The following GRID2 variants were observed in gnomAD, a reference collection of about 807,000 sequenced individuals.
GRID2 encodes glutamate receptor ionotropic, delta-2.
GRID2 carries 33 observed loss-of-function variants against 114.8 expected under a neutral mutation model. The observed-to-expected ratio is 0.29, with a 90% CI of 0.22 to 0.38. GRID2 has a LOEUF of 0.38. GRID2 is among the 10% of genes least tolerant of loss of function. The pLI is 1.00. For synonymous variants in GRID2, 505 were observed against 449.9 expected, an observed-to-expected ratio of 1.12 and a Z score of -1.55; for missense variants, 1,184 against 1,257.7, an observed-to-expected ratio of 0.94 and a Z score of 0.89.
At position 92,636,463 on chromosome 4, in the gene GRID2, A is replaced by G. The variant is rs534159135; in HGVS notation, c.244+46177A>G. Among the ~76,000 whole-genome samples the G allele has an allele frequency of 2.0e-5, 3 of 152,042 alleles. No homozygotes were observed. The South Asian group carries it at 6.2e-4, about 31-fold the overall frequency. Reference sequence around the variant, plus strand: ...AAGAATCATGTTAATTCAAAAATAAAAAAGTTCCAATATTTTTGCTCACAA... The same window carrying G: ...AAGAATCATGTTAATTCAAAAATAAGAAAGTTCCAATATTTTTGCTCACAA... On this transcript the variant is annotated intron_variant, in intron 2 of 15. Coordinates refer to ENST00000282020, the MANE Select transcript of GRID2 (RefSeq NM_001510.4).
chr4:92,353,799 T>A (rs1341180309), intron 1 of GRID2, among the ~76,000 whole-genome samples: 2 of 152,036 alleles, frequency 1.3e-5, no homozygotes, highest in African/African-American at 2.4e-5. Flanking sequence ...TTTCTCAACA[T>A]GTGTCATGCC....
intron 1 of GRID2, among the ~76,000 whole-genome samples, chr4:92,499,814 C>T (rs1723582045): frequency 6.6e-6 from 1 of 152,154 alleles, no homozygotes; most frequent in Non-Finnish European, 1.5e-5. Context: ...AGGGTTTCAC[C>T]ATGTTGGCCA....
intron 2 of GRID2, among the ~76,000 whole-genome samples, chr4:93,021,157 T>G (rs1723244818): frequency 6.6e-6 from 1 of 152,038 alleles, no homozygotes; most frequent in Non-Finnish European, 1.5e-5. Context: ...TATGGAAATT[T>G]TACATATAAA....
chr4:93,649,457 G>A (rs1405087987), intron 14 of GRID2, among the ~76,000 whole-genome samples: 1 of 152,018 alleles, frequency 6.6e-6, no homozygotes, highest in Non-Finnish European at 1.5e-5. Flanking sequence ...AGTCATTAAA[G>A]CTTGTTTGGT....
chr4:93,172,699 A>C lies in GRID2; in HGVS notation c.736-34705A>C, dbSNP rs190444213. 4.8e-3 allele frequency among the ~76,000 whole-genome samples: 724 copies of C among 152,340 alleles called. 7 individuals are homozygous for C. Among genetic ancestry groups the C allele is most frequent in the African/African-American group, 0.017 (702 of 41,588 alleles). On this transcript the variant is annotated intron_variant, in intron 4 of 15. Coordinates refer to ENST00000282020, the MANE Select transcript of GRID2 (RefSeq NM_001510.4). ...ACATTTGTGAATGGGTTGATTCCAA[A>C]ACAACTATTTAAAAAGAGTTATAGC...
intron 1 of GRID2, among the ~76,000 whole-genome samples, chr4:92,312,551 G>T (rs1476511829): frequency 6.6e-6 from 1 of 152,022 alleles, no homozygotes; most frequent in Admixed American, 6.6e-5. Context: ...GAGTAAATGT[G>T]TTACTGTTGA....
chr4:93,046,466 A>T (rs1458239113), intron 2 of GRID2, among the ~76,000 whole-genome samples: 3 of 152,136 alleles, frequency 2.0e-5, no homozygotes, highest in Non-Finnish European at 2.9e-5. Context: ...AGATTCTCAT[A>T]ACCATCTTAG....
chr4:93,727,414 C>T (rs1730027098), intron 14 of GRID2, among the ~76,000 whole-genome samples: 2 of 152,168 alleles, frequency 1.3e-5, no homozygotes, highest in Admixed American at 6.5e-5. Context: ...ATTTTTGCAT[C>T]AATGTTCATC....
intron 2 of GRID2, among the ~76,000 whole-genome samples, chr4:93,031,032 ATTTTTTTTTTTTTT>A (rs576187018): frequency 6.6e-5 from 7 of 106,210 alleles, no homozygotes; most frequent in African/African-American, 2.9e-4. Context: ...TCCAATCTCC[ATTTTTTTTTTTTTT>A]TTTTTTTTGA....
intron 3 of GRID2, among the ~76,000 whole-genome samples, chr4:93,087,241 C>T (rs1343719605): frequency 6.6e-6 from 1 of 151,612 alleles, no homozygotes; most frequent in Middle Eastern, 3.4e-3. Flanking sequence ...GGGGTTTCAA[C>T]GTGTTAGCCA....
chr4:92,665,546 C>CATA (rs1732728950), intron 2 of GRID2, among the ~76,000 whole-genome samples: 1 of 151,142 alleles, frequency 6.6e-6, no homozygotes, highest in Admixed American at 6.6e-5. Context: ...TACCTTTGAG[C>CATA]TACCATCTAG....
intron 2 of GRID2, among the ~76,000 whole-genome samples, chr4:92,996,319 AAAT>A (rs561116525): frequency 1.8e-4 from 28 of 152,152 alleles, no homozygotes; most frequent in African/African-American, 6.0e-4. Context: ...AAAAAATAAA[AAAT>A]AATAATCTTA....
chr4:93,702,200 G>C (rs1727571333), intron 14 of GRID2, among the ~76,000 whole-genome samples: 1 of 151,938 alleles, frequency 6.6e-6, no homozygotes, highest in African/African-American at 2.4e-5. Context: ...TATATAAATT[G>C]GCTTTTTGTA....
chr4:93,528,344 G>A (rs1003918709), intron 13 of GRID2, among the ~76,000 whole-genome samples: 1 of 151,672 alleles, frequency 6.6e-6, no homozygotes, highest in African/African-American at 2.4e-5. Flanking sequence ...AATTATTTAA[G>A]GAACTGCCAT....
intron 2 of GRID2, among the ~76,000 whole-genome samples, chr4:92,926,904 T>C (rs1283830738): frequency 6.6e-6 from 1 of 151,870 alleles, no homozygotes; most frequent in Non-Finnish European, 1.5e-5. Context: ...CCTCATAACC[T>C]AATCACTTCT....
At chr4:93,515,448 T>C in intron 13 of GRID2, 37 bp downstream of exon 13, 2 of 1,317,190 alleles carry the variant, frequency 1.5e-6, no homozygotes, top group South Asian at 1.3e-5. Context: ...GTCCTTACCA[T>C]TTTGTGTCCC....
intron 1 of GRID2, among the ~76,000 whole-genome samples, chr4:92,390,634 T>C (rs1186991128): frequency 6.6e-6 from 1 of 152,184 alleles, no homozygotes; most frequent in African/African-American, 2.4e-5. Flanking sequence ...TTAATATAAT[T>C]GAAAGGCTAT....
intron 8 of GRID2, among the ~76,000 whole-genome samples, chr4:93,297,969 T>C (rs1754492325): frequency 1.3e-5 from 2 of 152,214 alleles, no homozygotes; most frequent in South Asian, 4.1e-4. Context: ...GTGCAGATAA[T>C]CAATTGTTAT....
At chr4:92,916,257 A>T (rs533048756) in intron 2 of GRID2, among the ~76,000 whole-genome samples, 2 of 152,256 alleles carry the variant, frequency 1.3e-5, no homozygotes, top group South Asian at 4.1e-4. Context: ...TGGTATAAGG[A>T]AGGGTTCCAG....
Sources: allele counts gnomAD v4.1 joint callset (sites outside exome capture counted in the v4.1 genomes callset), GRCh38; gene constraint gnomAD v4.1.1; transcripts MANE v1.5; gene names NCBI Gene and HGNC (gene_info 2026-07-23, HGNC 2026-07-21).